RBFOX1: variants seen among roughly 807,000 people sequenced by gnomAD.
The protein encoded by RBFOX1 is RNA binding protein fox-1 homolog 1.
RBFOX1 carries 8 observed loss-of-function variants against 57.7 expected under a neutral mutation model. The observed-to-expected ratio is 0.14, with a 90% confidence interval of 0.08 to 0.25. RBFOX1 has a LOEUF of 0.25. RBFOX1 is among the 10% of genes least tolerant of loss of function. The pLI is 1.00. For missense variants in RBFOX1, 611 were observed against 548.5 expected (o/e 1.11, Z -1.14); for synonymous variants, 326 against 222.4 (o/e 1.47, Z -4.15).
chr16:5,715,410 A>C (rs1223205534), intron 3 of RBFOX1, among the ~76,000 whole-genome samples: 1 of 152,172 alleles, frequency 6.6e-6, no homozygotes, highest in Non-Finnish European at 1.5e-5. Flanking sequence ...TTCAGTTGAC[A>C]TGCACCACAT....
intron 3 of RBFOX1, among the ~76,000 whole-genome samples, chr16:7,045,839 G>C (rs2047739019): frequency 6.6e-6 from 1 of 151,920 alleles, no homozygotes; most frequent in Admixed American, 6.6e-5. Flanking sequence ...TGTATTTTTA[G>C]TAGAGACAGA....
intron 4 of RBFOX1, among the ~76,000 whole-genome samples, chr16:7,317,231 C>A (rs575428429): frequency 3.9e-5 from 6 of 152,062 alleles, no homozygotes; most frequent in African/African-American, 1.4e-4. Flanking sequence ...GCCTGAGATT[C>A]ATCCCCGAAG....
chr16:5,779,075 T>C (rs2054241886), intron 3 of RBFOX1, among the ~76,000 whole-genome samples: 1 of 152,194 alleles, frequency 6.6e-6, no homozygotes, highest in African/African-American at 2.4e-5. Flanking sequence ...TTATGAACCA[T>C]GCTGTCAATG....
intron 1 of RBFOX1, among the ~76,000 whole-genome samples, chr16:5,300,435 C>G (rs2063775589): frequency 6.6e-6 from 1 of 152,044 alleles, no homozygotes; most frequent in South Asian, 2.1e-4. Context: ...ATGAGTGCAT[C>G]AAAATCTCAG....
At chr16:7,550,501 A>G (rs2086020744) in intron 5 of RBFOX1, among the ~76,000 whole-genome samples, 1 of 152,118 alleles carries the variant, frequency 6.6e-6, no homozygotes, top group Admixed American at 6.6e-5. Context: ...GGGGCACTGT[A>G]TCAATAAAAC....
chr16:7,317,299 T>C (rs2096462357), intron 4 of RBFOX1, among the ~76,000 whole-genome samples: 1 of 152,154 alleles, frequency 6.6e-6, no homozygotes, highest in African/African-American at 2.4e-5. Context: ...TTCGGCAGGC[T>C]TTGGTGAAGT....
chr16:7,633,128 AAAAAC>A (rs969769256), intron 11 of RBFOX1, among the ~76,000 whole-genome samples: 3 of 152,214 alleles, frequency 2.0e-5, no homozygotes, highest in African/African-American at 4.8e-5. Flanking sequence ...AAGGATTGAA[AAAAAC>A]AAAACAAAAA....
chr16:7,644,334 T>C (rs1294701203), intron 11 of RBFOX1, among the ~76,000 whole-genome samples: 3 of 152,198 alleles, frequency 2.0e-5, no homozygotes, highest in Non-Finnish European at 4.4e-5. Context: ...ATCCTAGCTG[T>C]TATCATCATG....
chr16:7,403,531 A>G (rs2098279396), intron 4 of RBFOX1, among the ~76,000 whole-genome samples: 1 of 149,064 alleles, frequency 6.7e-6, no homozygotes, highest in South Asian at 2.1e-4. Context: ...AATGTCCTCC[A>G]GGTTCACCCA....
At chr16:7,509,426 G>GTGTGTGTGTGTGTGTGTC (rs1555531504) in intron 4 of RBFOX1, among the ~76,000 whole-genome samples, 4 of 146,380 alleles carry the variant, frequency 2.7e-5, no homozygotes, top group African/African-American at 1.0e-4. Context: ...GTGTGTGTGT[G>GTGTGTGTGTGTGTGTGTC]TGTGTCTGTG....
At chr16:7,282,001 G>A (rs1330621696) in intron 4 of RBFOX1, among the ~76,000 whole-genome samples, 1 of 152,080 alleles carries the variant, frequency 6.6e-6, no homozygotes, top group African/African-American at 2.4e-5. Flanking sequence ...GAGTAGCTGG[G>A]ACCACAGGCG....
intron 4 of RBFOX1, among the ~76,000 whole-genome samples, chr16:7,143,847 C>T (rs537132839): frequency 6.6e-6 from 1 of 151,616 alleles, no homozygotes; most frequent in South Asian, 2.1e-4. Flanking sequence ...AAGATCCTAG[C>T]AGGTACTATA....
At chr16:7,483,897 G>A (rs143712807) in intron 4 of RBFOX1, among the ~76,000 whole-genome samples, 14 of 152,310 alleles carry the variant, frequency 9.2e-5, no homozygotes, top group African/African-American at 2.6e-4. Flanking sequence ...TAATTCATCC[G>A]CTTAAGTGTA....
chr16:5,941,698 G>C (rs994683274), intron 4 of RBFOX1, among the ~76,000 whole-genome samples: 1 of 151,228 alleles, frequency 6.6e-6, no homozygotes. Flanking sequence ...AAATGAACTA[G>C]CCAGGAATTA....
chr16:6,106,289 C>G (rs535125758), intron 1 of RBFOX1, among the ~76,000 whole-genome samples: 5 of 116,508 alleles, frequency 4.3e-5, no homozygotes, highest in South Asian at 6.2e-4. Context: ...AAAACCCCAT[C>G]TCTAGTAAAA....
At chr16:6,121,125 C>A (rs778930254) in intron 1 of RBFOX1, among the ~76,000 whole-genome samples, 1 of 152,128 alleles carries the variant, frequency 6.6e-6, no homozygotes, top group African/African-American at 2.4e-5. Context: ...GGAGTGTGCA[C>A]CTGGTGTGTC....
intron 3 of RBFOX1, among the ~76,000 whole-genome samples, chr16:5,768,459 T>C (rs2151667795): frequency 6.6e-6 from 1 of 152,294 alleles, no homozygotes; most frequent in East Asian, 1.9e-4. Flanking sequence ...ACCTTCCACG[T>C]GGCCCTGTCA....
chr16:5,366,394 A>G (rs138164002), intron 1 of RBFOX1: 15 of 433,274 alleles, frequency 3.5e-5, no homozygotes, highest in Middle Eastern at 8.1e-4. Flanking sequence ...AGAAATATAT[A>G]TGAGATACTC....
intron 3 of RBFOX1, among the ~76,000 whole-genome samples, chr16:5,628,006 G>C (rs1043226129): frequency 2.4e-4 from 37 of 152,290 alleles, no homozygotes; most frequent in South Asian, 6.2e-4. Flanking sequence ...GTATTGTCAG[G>C]CCTCTTCTGC....
Sources: gnomAD v4.1 joint callset for allele counts (sites outside exome capture counted in the v4.1 genomes callset) on GRCh38, gnomAD v4.1.1 for gene constraint, MANE v1.5 for transcripts, NCBI Gene and HGNC (gene_info 2026-07-23, HGNC 2026-07-21) for gene names.